PPM1K: variants seen among roughly 807,000 people sequenced by gnomAD.
PPM1K encodes the protein protein phosphatase, Mg2+/Mn2+ dependent 1K.
A neutral mutation model predicts 32.6 loss-of-function variants in PPM1K; 19 were observed. The observed-to-expected ratio is 0.58, with a 90% CI of 0.41 to 0.86. PPM1K has a LOEUF of 0.86. PPM1K is among the 40% of genes least tolerant of loss of function. The pLI is 0.00. For synonymous variants in PPM1K, 159 were observed against 165.3 expected, an observed-to-expected ratio of 0.96 and a Z score of 0.29; for missense variants, 362 against 461.2, an observed-to-expected ratio of 0.78 and a Z score of 1.97.
chr4:88,267,751 C>A (rs2063541826), intron 5 of PPM1K, among the ~76,000 whole-genome samples: 1 of 152,224 alleles, frequency 6.6e-6, no homozygotes, highest in African/African-American at 2.4e-5. Context: ...TTTTAAAAGA[C>A]TGAAACTGTT....
Position 88,278,480 on chromosome 4 carries a change from G to A in PPM1K, c.104C>T (p.Thr35Ile), listed in dbSNP as rs1271211997. The A allele has an allele frequency of 6.2e-7, 1 of 1,614,142 alleles. No homozygotes were observed. The highest frequency in any genetic ancestry group is 8.5e-7 in the Non-Finnish European group (1 of 1,180,016). ...SRLLQDDRRV[T>I]PTCHSSTSEP... ...TGAAGTGGAGCTGTGGCACGTGGGT[G>A]TCACCCGCCTGTCGTCCTGCAGCAG... Residue 35 changes from threonine to isoleucine, a missense_variant, in exon 2 of 7, where the codon ACA becomes ATA. Thr to Ile is a moderately conservative substitution (Grantham distance 89). Coordinates refer to ENST00000608933, the MANE Select transcript of PPM1K (RefSeq NM_152542.5). The surrounding 1 kb of genome is among the most constrained non-coding windows in gnomAD (Gnocchi z 4.2).
intron 6 of PPM1K, among the ~76,000 whole-genome samples, chr4:88,263,670 T>C (rs1264838681): frequency 6.6e-6 from 1 of 152,178 alleles, no homozygotes; most frequent in East Asian, 1.9e-4. Context: ...GGTCTTGAAC[T>C]CCTGGGCTCA....
chr4:88,278,449 A>G lies in PPM1K; in HGVS notation c.135T>C (p.Pro45=). The change falls in exon 2 of 7, where the codon CCT becomes CCC. Residue 45 remains proline (P), a synonymous_variant. Transcript: ENST00000608933. This position sits in a 1 kb window ranked among gnomAD's most constrained non-coding sequence, Gnocchi z 4.2. ...CATCTGGGTCAAACCGAGAACACCT[A>G]GGCTCTGAAGTGGAGCTGTGGCACG... ...TPTCHSSTSE[P]RCSRFDPDGS... 1 of 1,614,158 alleles carries G rather than the reference A, an allele frequency of 6.2e-7. No individual in the cohort carries two copies. The highest frequency in any genetic ancestry group is 8.5e-7 in the Non-Finnish European group (1 of 1,180,028).
chr4:88,259,073 A>G lies in PPM1K; in HGVS notation c.*3522T>C, dbSNP rs1460654988. ...CTGCACTCCAGCCTGGGTGACAGAG[A>G]GAGACTCCTTCTCAAAAAAAAAAAA... On this transcript the variant is annotated 3_prime_UTR_variant, in exon 7 of 7. Transcript: ENST00000608933. The G allele has an allele frequency of 2.0e-5, 3 of 149,288 alleles. No individual in the cohort carries two copies. The highest frequency in any genetic ancestry group is 7.5e-5 in the African/African-American group (3 of 40,230). The allele number at this position is 149,288 out of a possible 1,614,324, so 9.2% of individuals were successfully genotyped here. A position where few individuals can be genotyped will look rare whatever the true frequency, so the allele number is the denominator to read the frequency against.
intron 3 of PPM1K, among the ~76,000 whole-genome samples, chr4:88,271,560 G>C (rs751805309): frequency 2.6e-5 from 4 of 152,100 alleles, no homozygotes; most frequent in Non-Finnish European, 4.4e-5. Context: ...AAACACTCAC[G>C]CATATACACA....
intron 3 of PPM1K, chr4:88,271,155 C>A (rs1357002143): frequency 1.9e-6 from 1 of 517,462 alleles, no homozygotes; most frequent in Non-Finnish European, 3.9e-6. Context: ...TGTCCACGGG[C>A]TCCAGGTCTA....
Position 88,278,431 on chromosome 4 carries a change from G to A in PPM1K, c.153C>T (p.Asp51=). 6.2e-7 allele frequency: 1 copy of A among 1,614,192 alleles called. No individual in the cohort carries two copies. Among genetic ancestry groups the A allele is most frequent in the Non-Finnish European group, 8.5e-7 (1 of 1,180,036 alleles). Residue 51 remains aspartate, a synonymous_variant, in exon 2 of 7, where the codon GAC becomes GAT. Transcript: ENST00000608933. This position sits in a 1 kb window ranked among gnomAD's most constrained non-coding sequence, Gnocchi z 4.2. The part of the protein sequence containing the change: ...STSEPRCSRF[D]PDGSGSPATW... ...TAGCTGGACTCCCACTACCATCTGG[G>A]TCAAACCGAGAACACCTAGGCTCTG...
At chr4:88,280,218 G>A (rs1262113865) in intron 1 of PPM1K, among the ~76,000 whole-genome samples, 1 of 152,106 alleles carries the variant, frequency 6.6e-6, no homozygotes, top group Admixed American at 6.5e-5. Flanking sequence ...TGGAATTACA[G>A]GCATGCGCCA....
At position 88,278,382 on chromosome 4, in the gene PPM1K, C is replaced by A. The variant is rs1560493333; in HGVS notation, c.202G>T (p.Asp68Tyr). Residue 68 changes from aspartate (D) to tyrosine (Y), a missense_variant, in exon 2 of 7, where the codon GAT (aspartate) becomes TAT (tyrosine). By Grantham distance (160) the Asp-to-Tyr change is radical. Coordinates refer to ENST00000608933, the MANE Select transcript of PPM1K (RefSeq NM_152542.5). This position sits in a 1 kb window ranked among gnomAD's most constrained non-coding sequence, Gnocchi z 4.2. ...AGAATTGGCTCATCAATGCGGTTAT[C>A]CCAGATCCCAAAATTGTCCCAGGTA... ...PATWDNFGIW[D>Y]NRIDEPILLP... 1.2e-6 allele frequency: 2 copies of A among 1,614,200 alleles called. No individual in the cohort carries two copies. The highest frequency in any genetic ancestry group is 8.5e-7 in the Non-Finnish European group (1 of 1,180,042).
chr4:88,262,825 G>A, intron 6 of PPM1K, 99 bp from the exon 7 acceptor site: 2 of 1,376,796 alleles, frequency 1.5e-6, no homozygotes, highest in Non-Finnish European at 1.9e-6. Context: ...GCTTCCCCTA[G>A]AAAGCCAAAC....
In PPM1K at chr4:88,257,887, G is replaced by A. The variant is rs1043707399; in HGVS notation, c.*4708C>T. 1.3e-5 allele frequency: 2 copies of A among 152,180 alleles called. No homozygotes were observed. The highest frequency in any genetic ancestry group is 4.8e-5 in the African/African-American group (2 of 41,432). 9.4% of individuals were successfully genotyped at this position (152,180 alleles called of 1,614,324 possible). A position where few individuals can be genotyped will look rare whatever the true frequency, so the allele number is the denominator to read the frequency against. ...TGTACTAGAATCCAACAGCAAATGA[G>A]TCATTCTTGGAAGTGGAAGAACTCC... On this transcript the variant is annotated 3_prime_UTR_variant, in exon 7 of 7. Coordinates refer to ENST00000608933, the MANE Select transcript of PPM1K (RefSeq NM_152542.5).
chr4:88,278,634 A>G lies in PPM1K; in HGVS notation c.-51T>C. ...TGAGGGAAAGGTCAATGGAACAATAATGGAATGTCTTCAAGAAAAATGATG... is the reference window on the plus strand; with the variant it reads ...TGAGGGAAAGGTCAATGGAACAATAGTGGAATGTCTTCAAGAAAAATGATG... On this transcript the variant is annotated 5_prime_UTR_variant, in exon 2 of 7. Coordinates refer to ENST00000608933, the MANE Select transcript of PPM1K (RefSeq NM_152542.5). This position sits in a 1 kb window ranked among gnomAD's most constrained non-coding sequence, Gnocchi z 4.2. The G allele has an allele frequency of 7.0e-7, 1 of 1,436,900 alleles. No individual in the cohort carries two copies. The highest frequency in any genetic ancestry group is 9.5e-7 in the Non-Finnish European group (1 of 1,054,116). 89.0% of individuals were successfully genotyped at this position (1,436,900 alleles called of 1,614,324 possible). A position where few individuals can be genotyped will look rare whatever the true frequency, so the allele number is the denominator to read the frequency against.
intron 1 of PPM1K, among the ~76,000 whole-genome samples, chr4:88,279,858 T>C (rs1480416575): frequency 6.6e-6 from 1 of 152,242 alleles, no homozygotes. Context: ...CTCAATCTTA[T>C]GTTTAAATTA....
At chr4:88,262,991 A>T (rs1731180837) in intron 6 of PPM1K, among the ~76,000 whole-genome samples, 2 of 152,238 alleles carry the variant, frequency 1.3e-5, no homozygotes, top group Non-Finnish European at 2.9e-5. Context: ...TTTTGGCAAC[A>T]GAAACACCAG....
Position 88,278,888 on chromosome 4 carries a change from C to T in PPM1K, c.-59-246G>A, listed in dbSNP as rs541016094. The T allele has an allele frequency of 5.7e-5, 18 of 314,554 alleles. No homozygotes were observed. The highest frequency in any genetic ancestry group is 9.5e-5 in the Non-Finnish European group (16 of 168,872). 19.5% of individuals were successfully genotyped at this position (314,554 alleles called of 1,614,324 possible). A position where few individuals can be genotyped will look rare whatever the true frequency, so the allele number is the denominator to read the frequency against. Reference sequence around the variant, plus strand: ...GATCAAAAATGAATCGATTTTCCTACCGCATTCACAGCATTTAAATTCTAT... The same window carrying T: ...GATCAAAAATGAATCGATTTTCCTATCGCATTCACAGCATTTAAATTCTAT... On this transcript the variant is annotated intron_variant, in intron 1 of 6. Transcript: ENST00000608933. The surrounding 1 kb of genome is among the most constrained non-coding windows in gnomAD (Gnocchi z 4.2).
chr4:88,267,270 G>C (rs982272528), intron 5 of PPM1K, among the ~76,000 whole-genome samples: 1 of 151,012 alleles, frequency 6.6e-6, no homozygotes, highest in African/African-American at 2.4e-5. Flanking sequence ...GATGCTGGCT[G>C]ATTGGGTGCA....
At chr4:88,282,789 T>C (rs1215337003) in intron 1 of PPM1K, among the ~76,000 whole-genome samples, 1 of 152,228 alleles carries the variant, frequency 6.6e-6, no homozygotes. Context: ...TTCCCATAGA[T>C]ATCTTTTAAG....
At position 88,258,622 on chromosome 4, in the gene PPM1K, G is replaced by A. The variant is rs1392437825; in HGVS notation, c.*3973C>T. The A allele has an allele frequency of 6.7e-6, 1 of 148,674 alleles. No homozygotes were observed. Among genetic ancestry groups the A allele is most frequent in the Non-Finnish European group, 1.5e-5 (1 of 67,012 alleles). The allele number at this position is 148,674 out of a possible 1,614,324, so 9.2% of individuals were successfully genotyped here. ...CAGCCTGGCGACAGAGCGAGACTCT[G>A]TCTCAAGAAAAAAAAAAAATTCCAT... On this transcript the variant is annotated 3_prime_UTR_variant, in exon 7 of 7. Coordinates refer to ENST00000608933, the MANE Select transcript of PPM1K (RefSeq NM_152542.5).
At chr4:88,265,563 T>C (rs1731271564) in intron 5 of PPM1K, among the ~76,000 whole-genome samples, 1 of 152,218 alleles carries the variant, frequency 6.6e-6, no homozygotes, top group Non-Finnish European at 1.5e-5. Flanking sequence ...CTTTATAAAT[T>C]ACCCAGTCTC....
Sources: allele counts gnomAD v4.1 joint callset (sites outside exome capture counted in the v4.1 genomes callset), GRCh38; gene constraint gnomAD v4.1.1; non-coding constraint Gnocchi (gnomAD v3.1); transcripts MANE v1.5; gene names NCBI Gene and HGNC (gene_info 2026-07-23, HGNC 2026-07-21).